EFL1: variants seen among roughly 807,000 people sequenced by gnomAD.
The protein encoded by EFL1 is elongation factor like GTPase 1.
A neutral mutation model predicts 126.7 loss-of-function variants in EFL1; 76 were observed. That is an observed-to-expected ratio of 0.60 (90% CI 0.50 to 0.73). The LOEUF (loss-of-function observed/expected upper bound fraction) is 0.73. Ranked by LOEUF, EFL1 falls within the 30% of genes least tolerant of loss-of-function variation. The pLI is 0.00. For synonymous variants in EFL1, 410 were observed against 448.4 expected, an observed-to-expected ratio of 0.91 and a Z score of 1.08; for missense variants, 1,128 against 1,343.2, an observed-to-expected ratio of 0.84 and a Z score of 2.50.
chr15:82,167,921 C>T (rs757165939), intron 15 of EFL1, among the ~76,000 whole-genome samples: 8 of 152,214 alleles, frequency 5.3e-5, no homozygotes, highest in Non-Finnish European at 1.0e-4. Context: ...TCAACCTGTT[C>T]CTGTTAACCT....
intron 15 of EFL1, among the ~76,000 whole-genome samples, chr15:82,170,596 T>C (rs895450806): frequency 1.2e-4 from 18 of 152,252 alleles, no homozygotes; most frequent in African/African-American, 4.3e-4. Context: ...CCTTATGCAA[T>C]AAGTGGAAGT....
Position 82,138,423 on chromosome 15 carries a change from A to AGAGC in EFL1, c.3174+234_3174+235insGCTC, listed in dbSNP as rs1555423516. Among the ~76,000 whole-genome samples the AGAGC allele has an allele frequency of 2.5e-3, 256 of 101,988 alleles. 1 individual carries two copies. Among genetic ancestry groups the AGAGC allele is most frequent in the African/African-American group, 9.5e-3 (253 of 26,666 alleles). 66.9% of individuals were successfully genotyped at this position (101,988 alleles called of 152,430 possible). ...AAGGACAAATGAGAGAGAGAGAGAGAGAGTGTATGTGTGTGTGTGTGTGTG... is the reference window on the plus strand; with the variant it reads ...AAGGACAAATGAGAGAGAGAGAGAGAGAGCGAGTGTATGTGTGTGTGTGTGTGTG... On this transcript the variant is annotated intron_variant, in intron 19 of 19. Transcript: ENST00000268206.
At position 82,138,666 on chromosome 15, in the gene EFL1, G is replaced by A. The variant is rs749634842; in HGVS notation, c.3166C>T (p.His1056Tyr). The change falls in exon 19 of 20, where the codon CAT becomes TAT. Residue 1056 changes from histidine to tyrosine, a missense_variant. Physicochemically the swap from His to Tyr is moderately conservative, Grantham distance 83. Around this residue, in one of 6 missense-constraint regions of EFL1, gnomAD observed 561 missense variants for 641.7 expected, o/e 0.87. Coordinates refer to ENST00000268206, the MANE Select transcript of EFL1 (RefSeq NM_024580.6). ...GLASPQLVFS[H>Y]WEIIPSDPFW... ...GGAACTTGGATTTTTACCTCCCAAT[G>A]GCTGAATACTAGTTGTGGGCTGGCC... is the stretch of plus-strand genomic sequence containing the variant. 6.2e-7 allele frequency: 1 copy of A among 1,613,504 alleles called. No homozygotes were observed.
chr15:82,234,083 A>T lies in EFL1; in HGVS notation c.732-3112T>A, dbSNP rs1193951152. Among the ~76,000 whole-genome samples, 4 of 152,220 alleles carry T rather than the reference A, an allele frequency of 2.6e-5. No homozygotes were observed. In the East Asian group the frequency reaches 7.7e-4, roughly 29 times the overall value. ...AGTAAGGGCTATGTAAATTACCCTT[A>T]TTCTATCCATTCAACTTTCTCCCTA... On this transcript the variant is annotated intron_variant, in intron 7 of 19. Coordinates refer to ENST00000268206, the MANE Select transcript of EFL1 (RefSeq NM_024580.6).
chr15:82,213,654 T>C (rs925511292), intron 15 of EFL1, among the ~76,000 whole-genome samples: 3 of 152,204 alleles, frequency 2.0e-5, no homozygotes, highest in Admixed American at 1.3e-4. Context: ...TCATGTTCCA[T>C]TTAATTTGAG....
At chr15:82,249,972 C>T (rs2075006821) in intron 4 of EFL1, among the ~76,000 whole-genome samples, 1 of 152,040 alleles carries the variant, frequency 6.6e-6, no homozygotes, top group African/African-American at 2.4e-5. Flanking sequence ...GTCAGAACCA[C>T]AGAAAGGGCT....
chr15:82,174,562 G>T (rs2074173890), intron 15 of EFL1, among the ~76,000 whole-genome samples: 1 of 152,182 alleles, frequency 6.6e-6, no homozygotes, highest in African/African-American at 2.4e-5. Flanking sequence ...AACTGAAACT[G>T]TGGTCTCACC....
chr15:82,184,480 G>A (rs2074283001), intron 15 of EFL1, among the ~76,000 whole-genome samples: 1 of 152,146 alleles, frequency 6.6e-6, no homozygotes, highest in Non-Finnish European at 1.5e-5. Context: ...TTACCACAGT[G>A]AGTCCTCTCC....
intron 3 of EFL1, among the ~76,000 whole-genome samples, chr15:82,255,208 AATAGC>A (rs1056661667): frequency 3.3e-5 from 5 of 152,222 alleles, no homozygotes; most frequent in Admixed American, 2.6e-4. Flanking sequence ...ATGGGTGATA[AATAGC>A]ATCTCATGGT....
intron 15 of EFL1, among the ~76,000 whole-genome samples, chr15:82,207,307 T>TACACAC (rs1555429173): frequency 0.16 from 23,825 of 145,194 alleles, 2,137 homozygotes; most frequent in Non-Finnish European, 0.21. Flanking sequence ...TATATATATA[T>TACACAC]ACACACACAC....
chr15:82,183,779 G>C (rs1021160562), intron 15 of EFL1, among the ~76,000 whole-genome samples: 1 of 152,228 alleles, frequency 6.6e-6, no homozygotes, highest in Non-Finnish European at 1.5e-5. Flanking sequence ...TTCTTAGGGA[G>C]TTATTGAAGC....
At chr15:82,181,583 T>C (rs1023577196) in intron 15 of EFL1, among the ~76,000 whole-genome samples, 104 of 151,966 alleles carry the variant, frequency 6.8e-4, no homozygotes, top group Admixed American at 6.8e-3. Context: ...GCAGCATATT[T>C]TCCTGATGAA....
chr15:82,160,755 T>C (rs1391250829), intron 16 of EFL1, among the ~76,000 whole-genome samples: 1 of 152,162 alleles, frequency 6.6e-6, no homozygotes, highest in East Asian at 1.9e-4. Flanking sequence ...TCCAGCATTG[T>C]CTCTGAGGCA....
intron 15 of EFL1, among the ~76,000 whole-genome samples, chr15:82,190,441 C>T (rs2074347597): frequency 6.6e-6 from 1 of 152,108 alleles, no homozygotes; most frequent in Non-Finnish European, 1.5e-5. Flanking sequence ...TTGGTCTTTA[C>T]TTTTGAATGC....
At chr15:82,146,932 G>A (rs765176503) in intron 18 of EFL1, among the ~76,000 whole-genome samples, 5 of 152,152 alleles carry the variant, frequency 3.3e-5, no homozygotes, top group Non-Finnish European at 7.4e-5. Flanking sequence ...AGAACTGACT[G>A]ATGGCCAAGT....
chr15:82,188,765 T>C (rs1033095555), intron 15 of EFL1, among the ~76,000 whole-genome samples: 10 of 152,160 alleles, frequency 6.6e-5, no homozygotes, highest in Non-Finnish European at 1.2e-4. Flanking sequence ...ATTAATAGTT[T>C]TGTTGTTCTC....
chr15:82,232,967 AAT>A (rs981485706), intron 7 of EFL1, among the ~76,000 whole-genome samples: 2 of 152,076 alleles, frequency 1.3e-5, no homozygotes, highest in Non-Finnish European at 2.9e-5. Context: ...TATCTTTTAT[AAT>A]ATGTCAGATA....
chr15:82,138,555 G>A, intron 19 of EFL1, 103 bp downstream of exon 19: 1 of 1,381,102 alleles, frequency 7.2e-7, no homozygotes, highest in Non-Finnish European at 9.9e-7. Context: ...GCCATAGGAA[G>A]GCCAAATGGC....
intron 15 of EFL1, among the ~76,000 whole-genome samples, chr15:82,195,699 C>T (rs2074401264): frequency 6.6e-6 from 1 of 152,176 alleles, no homozygotes; most frequent in Non-Finnish European, 1.5e-5. Flanking sequence ...CCTGCTCAAA[C>T]TTCTATTCCA....
Sources: allele counts gnomAD v4.1 joint callset (sites outside exome capture counted in the v4.1 genomes callset), GRCh38; gene constraint gnomAD v4.1.1; regional missense constraint gnomAD v4.1.1; transcripts MANE v1.5; gene names NCBI Gene and HGNC (gene_info 2026-07-23, HGNC 2026-07-21).